The following CDC42BPA variants were observed in gnomAD, a reference collection of about 807,000 sequenced individuals.
The protein encoded by CDC42BPA is serine/threonine-protein kinase MRCK alpha.
Under a neutral mutation model 223.5 loss-of-function variants are expected in CDC42BPA, and 80 were observed. The observed-to-expected ratio is 0.36, with a 90% CI of 0.30 to 0.43. The LOEUF (loss-of-function observed/expected upper bound fraction) is 0.43. CDC42BPA is among the 20% of genes least tolerant of loss of function. The pLI is 1.00. For missense variants in CDC42BPA, 1,743 were observed against 2,099.9 expected (o/e 0.83, Z 3.32); for synonymous variants, 694 against 718.6 (o/e 0.97, Z 0.55).
chr1:227,132,346 T>G (rs1315014353), intron 10 of CDC42BPA, among the ~76,000 whole-genome samples: 1 of 152,098 alleles, frequency 6.6e-6, no homozygotes, highest in Non-Finnish European at 1.5e-5. Context: ...TTGGCCGGGC[T>G]GGTCTCCAGC....
intron 1 of CDC42BPA, among the ~76,000 whole-genome samples, chr1:227,288,278 G>A (rs931647603): frequency 6.6e-6 from 1 of 152,156 alleles, no homozygotes; most frequent in African/African-American, 2.4e-5. Context: ...GGGAGGCAGA[G>A]GTGGGAGGAT....
At chr1:227,274,468 G>A (rs1011418318) in intron 1 of CDC42BPA, among the ~76,000 whole-genome samples, 2 of 152,160 alleles carry the variant, frequency 1.3e-5, no homozygotes, top group Admixed American at 6.5e-5. Context: ...CAAACAACTA[G>A]AGGGGAAAAT....
chr1:227,135,202 A>G (rs1337847216), intron 10 of CDC42BPA, among the ~76,000 whole-genome samples: 1 of 152,212 alleles, frequency 6.6e-6, no homozygotes, highest in Non-Finnish European at 1.5e-5. Context: ...ATGGTGCAAC[A>G]ATTTGGAAAT....
At chr1:227,213,028 C>A (rs532979501) in intron 3 of CDC42BPA, 108 bp downstream of exon 3, 3 of 556,896 alleles carry the variant, frequency 5.4e-6, no homozygotes, top group Non-Finnish European at 9.3e-6. Flanking sequence ...AAAAATGTCA[C>A]CACAGACAAA....
At chr1:227,166,422 G>A (rs1665044416) in intron 5 of CDC42BPA, among the ~76,000 whole-genome samples, 1 of 152,134 alleles carries the variant, frequency 6.6e-6, no homozygotes, top group Admixed American at 6.5e-5. Context: ...AGAGAAAATG[G>A]CTTTTCCATC....
chr1:227,159,156 A>G (rs565019452), intron 6 of CDC42BPA, among the ~76,000 whole-genome samples: 17 of 152,182 alleles, frequency 1.1e-4, no homozygotes, highest in Non-Finnish European at 2.2e-4. Context: ...CAGAGGTCAC[A>G]TAATTCTTTT....
chr1:227,312,106 C>A (rs1261283813), intron 1 of CDC42BPA, among the ~76,000 whole-genome samples: 1 of 152,164 alleles, frequency 6.6e-6, no homozygotes, highest in Admixed American at 6.5e-5. Context: ...CACAACAATA[C>A]TTATTCCTTC....
In CDC42BPA at chr1:226,990,498, G is replaced by A. The variant is rs1253492557; in HGVS notation, c.*3770C>T. 6.6e-6 allele frequency: 1 copy of A among 152,290 alleles called. No individual in the cohort carries two copies. Among genetic ancestry groups the A allele is most frequent in the African/African-American group, 2.4e-5 (1 of 41,452 alleles). 9.4% of individuals were successfully genotyped at this position (152,290 alleles called of 1,614,324 possible). A position where few individuals can be genotyped will look rare whatever the true frequency, so the allele number is the denominator to read the frequency against. Reference sequence around the variant, plus strand: ...GGCCAGAGAGACGGGGGAGTGGAGTGCCCAATTCATTCCCTGTTGTGCTCA... The same window carrying A: ...GGCCAGAGAGACGGGGGAGTGGAGTACCCAATTCATTCCCTGTTGTGCTCA... On this transcript the variant is annotated 3_prime_UTR_variant, in exon 37 of 37. Transcript: ENST00000366766.
chr1:227,133,912 A>G (rs1262870524), intron 10 of CDC42BPA, among the ~76,000 whole-genome samples: 1 of 151,902 alleles, frequency 6.6e-6, no homozygotes, highest in East Asian at 1.9e-4. Context: ...CTATTGTCCT[A>G]TGACCCTGCC....
chr1:227,070,752 A>C (rs1678141958), intron 20 of CDC42BPA, among the ~76,000 whole-genome samples: 1 of 151,902 alleles, frequency 6.6e-6, no homozygotes, highest in Admixed American at 6.6e-5. Context: ...CTGAAGTAGT[A>C]GTATACATTA....
chr1:227,103,667 C>T (rs1685425218), intron 14 of CDC42BPA, among the ~76,000 whole-genome samples: 1 of 152,050 alleles, frequency 6.6e-6, no homozygotes, highest in Non-Finnish European at 1.5e-5. Context: ...GACAGATCTG[C>T]TCCCCGAAAT....
intron 1 of CDC42BPA, among the ~76,000 whole-genome samples, chr1:227,263,582 A>ATTTT (rs34757020): frequency 7.4e-6 from 1 of 135,128 alleles, no homozygotes; most frequent in African/African-American, 2.7e-5. Context: ...TTGAGAATCA[A>ATTTT]TTTTTTTTTT....
chr1:227,220,311 T>TAC lies in CDC42BPA; in HGVS notation c.271-7094_271-7093dup, dbSNP rs58845901. Among the ~76,000 whole-genome samples, 386 of 49,476 alleles carry TAC rather than the reference T, an allele frequency of 7.8e-3. 6 individuals are homozygous for TAC. Among genetic ancestry groups the TAC allele is most frequent in the Non-Finnish European group, 7.0e-3 (164 of 23,376 alleles). The allele number at this position is 49,476 out of a possible 152,430, so 32.5% of individuals were successfully genotyped here. Reference sequence around the variant, plus strand: ...ATATATATATATATATATATATATATACACACACACACACACATACATATA... The same window carrying TAC: ...ATATATATATATATATATATATATATACACACACACACACACACATACATATA... On this transcript the variant is annotated intron_variant, in intron 2 of 36. Transcript: ENST00000366766.
chr1:227,315,844 A>G (rs11806188), intron 1 of CDC42BPA, among the ~76,000 whole-genome samples: 46,526 of 151,180 alleles, frequency 0.31, 7,293 homozygotes, highest in East Asian at 0.37. Context: ...ATGACATCAC[A>G]TTGCTAGAAA....
chr1:227,296,788 AAT>A (rs1251594059), intron 1 of CDC42BPA, among the ~76,000 whole-genome samples: 4 of 152,068 alleles, frequency 2.6e-5, no homozygotes, highest in Admixed American at 2.6e-4. Flanking sequence ...TGGGTTCTTA[AAT>A]ATCACACCAA....
Position 226,994,310 on chromosome 1 carries a change from G to A in CDC42BPA, c.5223C>T (p.Ser1741=), listed in dbSNP as rs376204917. The change falls in exon 37 of 37, where the codon AGC becomes AGT. Residue 1741 remains serine (S), a synonymous_variant. Coordinates refer to ENST00000366766, the MANE Select transcript of CDC42BPA (RefSeq NM_001394014.1). The surrounding 1 kb of genome is among the most constrained non-coding windows in gnomAD (Gnocchi z 4.0). ...PSPASPRKTK[S]LSLESTDRGS... is the part of the protein sequence containing the mutation. The stretch of plus-strand genomic sequence containing the variant: ...CGCGGTCAGTGCTCTCCAGGGAGAG[G>A]CTCTTGGTTTTTCGGGGTGAAGCTG... The A allele has an allele frequency of 6.3e-7, 1 of 1,597,824 alleles. No individual in the cohort carries two copies.
At chr1:227,154,462 T>G (rs753084328) in intron 6 of CDC42BPA, among the ~76,000 whole-genome samples, 2 of 151,968 alleles carry the variant, frequency 1.3e-5, no homozygotes, top group Non-Finnish European at 2.9e-5. Flanking sequence ...CATGATTTAT[T>G]ATATGAAAAA....
At chr1:227,059,286 A>G in intron 21 of CDC42BPA, 1 of 1,085,008 alleles carries the variant, frequency 9.2e-7, no homozygotes, top group Non-Finnish European at 1.4e-6. Context: ...CCACAAAAAC[A>G]TTAACAGGTT....
intron 5 of CDC42BPA, among the ~76,000 whole-genome samples, chr1:227,166,281 G>A (rs1665021721): frequency 6.6e-6 from 1 of 152,118 alleles, no homozygotes; most frequent in Admixed American, 6.5e-5. Context: ...GCCTCAGGAG[G>A]GTGGGCTATT....
Sources: allele counts gnomAD v4.1 joint callset (sites outside exome capture counted in the v4.1 genomes callset), GRCh38; gene constraint gnomAD v4.1.1; non-coding constraint Gnocchi (gnomAD v3.1); transcripts MANE v1.5; gene names NCBI Gene and HGNC (gene_info 2026-07-23, HGNC 2026-07-21).